The following ARHGAP25 variants were observed in gnomAD, a reference collection of about 807,000 sequenced individuals.
The protein encoded by ARHGAP25 is rho GTPase-activating protein 25.
Under a neutral mutation model 71.0 loss-of-function variants are expected in ARHGAP25, and 34 were observed. The ratio of observed to expected loss-of-function variants is 0.48; its 90% CI spans 0.36 to 0.64. The LOEUF (loss-of-function observed/expected upper bound fraction) is 0.64. Among genes scored for constraint, ARHGAP25 ranks in the 30% least tolerant of loss-of-function variants. The pLI is 0.00. For synonymous variants in ARHGAP25, 282 were observed against 296.5 expected (o/e 0.95, Z 0.50); for missense variants, 706 against 805.1 (o/e 0.88, Z 1.49).
intron 1 of ARHGAP25, among the ~76,000 whole-genome samples, chr2:68,746,881 G>A (rs934914296): frequency 1.3e-5 from 2 of 151,748 alleles, no homozygotes; most frequent in African/African-American, 4.8e-5. Context: ...AGTGACGCAC[G>A]CCTGTAATCC....
At chr2:68,823,995 C>G (rs1213593124) in intron 10 of ARHGAP25, among the ~76,000 whole-genome samples, 1 of 152,188 alleles carries the variant, frequency 6.6e-6, no homozygotes, top group Admixed American at 6.5e-5. Context: ...TTCGTGGGCT[C>G]TTAGATTTAT....
intron 10 of ARHGAP25, among the ~76,000 whole-genome samples, chr2:68,824,209 G>T (rs552490001): frequency 4.5e-4 from 68 of 152,284 alleles, no homozygotes; most frequent in African/African-American, 1.6e-3. Flanking sequence ...GGCACACACT[G>T]CCCTCACATA....
rs58852647 is a variant in ARHGAP25 at position 68,804,792 on chromosome 2, G to T, written c.467-2481G>T. 8.0e-3 allele frequency among the ~76,000 whole-genome samples: 1,225 copies of T among 152,330 alleles called. 13 individuals carry two copies. Among genetic ancestry groups the T allele is most frequent in the African/African-American group, 0.028 (1,149 of 41,562 alleles). ...GAAATGCCGAATAACCATTAGTCAT[G>T]TGAAATACTTGCTTAAAGACAAATT... On this transcript the variant is annotated intron_variant, in intron 4 of 10. Transcript: ENST00000409202.
intron 10 of ARHGAP25, among the ~76,000 whole-genome samples, chr2:68,823,242 C>A (rs1008163014): frequency 3.9e-5 from 6 of 152,310 alleles, no homozygotes; most frequent in African/African-American, 1.4e-4. Flanking sequence ...CAGGCACATT[C>A]CAGTTGTTAG....
intron 1 of ARHGAP25, among the ~76,000 whole-genome samples, chr2:68,755,931 G>T (rs1028216055): frequency 6.6e-6 from 1 of 152,174 alleles, no homozygotes; most frequent in Non-Finnish European, 1.5e-5. Context: ...TATGTTTGAT[G>T]AATCTCTATT....
At chr2:68,823,611 A>G (rs1311041954) in intron 10 of ARHGAP25, among the ~76,000 whole-genome samples, 3 of 152,042 alleles carry the variant, frequency 2.0e-5, no homozygotes, top group African/African-American at 4.8e-5. Flanking sequence ...GGCCAGGGAG[A>G]GTGATTAGAG....
At chr2:68,820,704 G>A (rs1203906664) in intron 9 of ARHGAP25, among the ~76,000 whole-genome samples, 1 of 152,140 alleles carries the variant, frequency 6.6e-6, no homozygotes, top group Non-Finnish European at 1.5e-5. Flanking sequence ...AAAGGTATAC[G>A]TTGAGAAGTT....
At chr2:68,802,732 A>AG (rs1680086176) in intron 4 of ARHGAP25, among the ~76,000 whole-genome samples, 1 of 148,506 alleles carries the variant, frequency 6.7e-6, no homozygotes, top group African/African-American at 2.5e-5. Flanking sequence ...AGAGAGAGAG[A>AG]AAAGATGGAA....
At chr2:68,819,769 A>T (rs537862901) in intron 9 of ARHGAP25, 59 of 380,432 alleles carry the variant, frequency 1.6e-4, no homozygotes, top group African/African-American at 1.1e-3. Context: ...AATATTTCTC[A>T]TTCCTCGATA....
chr2:68,818,644 G>A (rs927464332), intron 8 of ARHGAP25, among the ~76,000 whole-genome samples: 22 of 152,316 alleles, frequency 1.4e-4, no homozygotes, highest in African/African-American at 5.1e-4. Context: ...CATTTTACAA[G>A]CCAGCCCACA....
intron 1 of ARHGAP25, among the ~76,000 whole-genome samples, chr2:68,739,366 G>C (rs1675395420): frequency 6.6e-6 from 1 of 152,184 alleles, no homozygotes; most frequent in Admixed American, 6.5e-5. Flanking sequence ...TGGTAGTGCT[G>C]CCATCTCCCT....
chr2:68,729,641 T>A (rs544981758), intron 2 of ARHGAP25, among the ~76,000 whole-genome samples: 1 of 152,240 alleles, frequency 6.6e-6, no homozygotes, highest in Non-Finnish European at 1.5e-5. Flanking sequence ...TAATGCCAAC[T>A]GTTAGTGAGG....
upstream of ARHGAP25, among the ~76,000 whole-genome samples, chr2:68,733,901 GC>G (rs942310984): frequency 5.1e-4 from 77 of 152,278 alleles, no homozygotes; most frequent in African/African-American, 1.9e-3. Context: ...TATGAAGTAA[GC>G]CCTATTATTT....
At chr2:68,775,661 A>C (rs1430953670) in intron 2 of ARHGAP25, 1 of 663,624 alleles carries the variant, frequency 1.5e-6, no homozygotes, top group East Asian at 3.2e-5. Flanking sequence ...CATGGCTCTG[A>C]GTCAAGACTG....
intron 2 of ARHGAP25, among the ~76,000 whole-genome samples, chr2:68,729,559 C>T (rs1363909541): frequency 1.3e-5 from 2 of 152,110 alleles, no homozygotes; most frequent in African/African-American, 4.8e-5. Flanking sequence ...TAAAAAATAA[C>T]TTTAGTTCCA....
At chr2:68,711,611 C>T (rs1189371504) in intron 2 of ARHGAP25, among the ~76,000 whole-genome samples, 2 of 152,054 alleles carry the variant, frequency 1.3e-5, no homozygotes, top group East Asian at 1.9e-4. Context: ...TGGTGATTTG[C>T]TGCACCCATC....
At chr2:68,807,216 A>G in intron 4 of ARHGAP25, 57 bp from the exon 5 acceptor site, 2 of 1,577,560 alleles carry the variant, frequency 1.3e-6, no homozygotes, top group African/African-American at 2.7e-5. Flanking sequence ...AAGTCAAGAA[A>G]TAGTTCATCC....
chr2:68,765,467 T>C (rs577456250), intron 1 of ARHGAP25, among the ~76,000 whole-genome samples: 3 of 151,922 alleles, frequency 2.0e-5, no homozygotes, highest in Non-Finnish European at 4.4e-5. Context: ...AGAGAAAATA[T>C]AATGAACCCC....
intron 7 of ARHGAP25, chr2:68,816,677 G>T (rs1221200282): frequency 8.1e-6 from 2 of 245,698 alleles, no homozygotes; most frequent in Admixed American, 1.0e-4. Context: ...ATTCTGAGCC[G>T]TAGCTTAGCT....
Sources: gnomAD v4.1 joint callset for allele counts (sites outside exome capture counted in the v4.1 genomes callset) on GRCh38, gnomAD v4.1.1 for gene constraint, MANE v1.5 for transcripts, NCBI Gene and HGNC (gene_info 2026-07-23, HGNC 2026-07-21) for gene names.